The following PRKN variants were observed in gnomAD, a reference collection of about 807,000 sequenced individuals.
The protein encoded by PRKN is E3 ubiquitin-protein ligase parkin.
In PRKN, 56 loss-of-function variants were observed where a neutral mutation model predicts 59.5. The ratio of observed to expected loss-of-function variants is 0.94; its 90% CI spans 0.76 to 1.18. The LOEUF is 1.18. Ranked by LOEUF, PRKN falls within the 50% of genes most tolerant of loss-of-function variation. The pLI, the probability that PRKN is intolerant of heterozygous loss-of-function variation, is 0.00. For missense variants in PRKN, 657 were observed against 596.4 expected, an observed-to-expected ratio of 1.10 and a Z score of -1.06; for synonymous variants, 250 against 222.1, an observed-to-expected ratio of 1.13 and a Z score of -1.12.
rs1197184970 is a variant in PRKN, at chr6:161,593,808, G to A, written c.872-24392C>T. 1.3e-5 allele frequency among the ~76,000 whole-genome samples: 2 copies of A among 152,094 alleles called. No individual in the cohort carries two copies. The highest frequency in any genetic ancestry group is 2.4e-5 in the African/African-American group (1 of 41,420). ...GGTGAGTGTTTGGAGAGTAGAGAGT[G>A]ACACACCAAGTCATGATGCTCAGGG... On this transcript the variant is annotated intron_variant, in intron 7 of 11. Coordinates refer to ENST00000366898, the MANE Select transcript of PRKN (RefSeq NM_004562.3). The surrounding 1 kb of genome is among the most constrained non-coding windows in gnomAD (Gnocchi z 4.8).
chr6:162,101,824 T>A (rs1779983343), intron 4 of PRKN, among the ~76,000 whole-genome samples: 1 of 152,216 alleles, frequency 6.6e-6, no homozygotes, highest in Non-Finnish European at 1.5e-5. Context: ...ACATAACTAC[T>A]TTTGGGAGTA....
chr6:161,450,834 C>T (rs898326744), intron 9 of PRKN, among the ~76,000 whole-genome samples: 2 of 152,154 alleles, frequency 1.3e-5, no homozygotes, highest in Non-Finnish European at 2.9e-5. Flanking sequence ...GGATTACAGG[C>T]GTGAGCCACC....
chr6:161,970,184 G>A (rs888366449), intron 6 of PRKN, among the ~76,000 whole-genome samples: 18 of 152,102 alleles, frequency 1.2e-4, no homozygotes, highest in African/African-American at 4.1e-4. Flanking sequence ...TGGGACTACA[G>A]GTGCATGCCA....
At chr6:161,653,414 T>A (rs1252739524) in intron 7 of PRKN, among the ~76,000 whole-genome samples, 1 of 152,128 alleles carries the variant, frequency 6.6e-6, no homozygotes, top group African/African-American at 2.4e-5. Flanking sequence ...CAGTGCTGCA[T>A]GAAGAAGTAC....
chr6:161,966,629 G>A (rs1025899482), intron 6 of PRKN, among the ~76,000 whole-genome samples: 6 of 152,132 alleles, frequency 3.9e-5, no homozygotes, highest in Non-Finnish European at 7.4e-5. Flanking sequence ...TTTTTGTTCA[G>A]CTTGTTATGC....
At chr6:162,457,043 C>G (rs990703816) in intron 1 of PRKN, among the ~76,000 whole-genome samples, 1 of 152,152 alleles carries the variant, frequency 6.6e-6, no homozygotes. Flanking sequence ...AACAAGAAAG[C>G]AGAACACTCA....
chr6:161,880,384 C>A (rs910665960), intron 6 of PRKN, among the ~76,000 whole-genome samples: 7 of 152,252 alleles, frequency 4.6e-5, no homozygotes, highest in African/African-American at 1.7e-4. Flanking sequence ...CTCTATGGCA[C>A]TGAGAGATAT....
intron 3 of PRKN, among the ~76,000 whole-genome samples, chr6:162,222,893 C>T (rs1199677946): frequency 2.0e-5 from 3 of 151,644 alleles, no homozygotes; most frequent in Non-Finnish European, 4.4e-5. Context: ...GGTACATGTG[C>T]ACAATGTGCA....
At chr6:162,044,036 T>C (rs1038581479) in intron 5 of PRKN, among the ~76,000 whole-genome samples, 1 of 152,222 alleles carries the variant, frequency 6.6e-6, no homozygotes, top group East Asian at 1.9e-4. Flanking sequence ...TTCTGAGTTT[T>C]AGGGAAGACA....
chr6:162,447,617 G>C (rs988562524), intron 1 of PRKN, among the ~76,000 whole-genome samples: 1 of 152,146 alleles, frequency 6.6e-6, no homozygotes, highest in Admixed American at 6.5e-5. Context: ...GGTGGGAAGA[G>C]GGGAAAGGGT....
rs1455903560 is a variant in PRKN at position 162,650,036 on chromosome 6, ACG to A, written c.7+77624_7+77625del. ...AGGCTATAATTTAGAGCACGGACATACGTGACTCTCAAGCGGCCATTTATCAC... is the reference window on the plus strand; with the variant it reads ...AGGCTATAATTTAGAGCACGGACATATGACTCTCAAGCGGCCATTTATCAC... On this transcript the variant is annotated intron_variant, in intron 1 of 11. Transcript: ENST00000366898. 2.0e-5 allele frequency among the ~76,000 whole-genome samples: 3 copies of A among 152,222 alleles called. No homozygotes were observed. In the East Asian group the frequency reaches 5.8e-4, roughly 29 times the overall value.
intron 1 of PRKN, among the ~76,000 whole-genome samples, chr6:162,524,945 T>C (rs1778221142): frequency 6.6e-6 from 1 of 152,178 alleles, no homozygotes; most frequent in Non-Finnish European, 1.5e-5. Context: ...CCATGTGAAA[T>C]ATCACTGATT....
chr6:161,784,890 T>C (rs1446963220), intron 7 of PRKN, among the ~76,000 whole-genome samples: 2 of 152,078 alleles, frequency 1.3e-5, no homozygotes, highest in Non-Finnish European at 2.9e-5. Flanking sequence ...GACACACAAA[T>C]TGTGGGGTAT....
chr6:161,411,709 A>G (rs1426873509), intron 9 of PRKN, among the ~76,000 whole-genome samples: 1 of 149,384 alleles, frequency 6.7e-6, no homozygotes, highest in Non-Finnish European at 1.5e-5. Flanking sequence ...TTCCTTCCTC[A>G]CTCATTCCTT....
At chr6:162,575,874 T>G (rs1371752176) in intron 1 of PRKN, among the ~76,000 whole-genome samples, 3 of 152,182 alleles carry the variant, frequency 2.0e-5, no homozygotes, top group Admixed American at 1.3e-4. Context: ...GAGGTTTTGC[T>G]TGGATCTCTT....
rs78283773 is a variant in PRKN, at chr6:161,414,263, C to G, written c.1084-27386G>C. On this transcript the variant is annotated intron_variant, in intron 9 of 11. Coordinates refer to ENST00000366898, the MANE Select transcript of PRKN (RefSeq NM_004562.3). This position sits in a 1 kb window ranked among gnomAD's most constrained non-coding sequence, Gnocchi z 5.3. ...GATGTCAGAGCCGTGCACCCTTCTC[C>G]GGAAGGCTGGAGGGTGTTCAGCGTT... Among the ~76,000 whole-genome samples the G allele has an allele frequency of 6.6e-6, 1 of 152,202 alleles. No individual in the cohort carries two copies. Among genetic ancestry groups the G allele is most frequent in the East Asian group, 1.9e-4 (1 of 5,144 alleles).
rs1433838560 is a variant in PRKN at position 161,549,782 on chromosome 6, T to C, written c.934-779A>G. Among the ~76,000 whole-genome samples, 1 of 152,224 alleles carries C rather than the reference T, an allele frequency of 6.6e-6. No individual in the cohort carries two copies. Among genetic ancestry groups the C allele is most frequent in the Non-Finnish European group, 1.5e-5 (1 of 68,048 alleles). On this transcript the variant is annotated intron_variant, in intron 8 of 11. Transcript: ENST00000366898. This position sits in a 1 kb window ranked among gnomAD's most constrained non-coding sequence, Gnocchi z 6.0. ...CAAGTCAAATAGGTTTGCTCAATTA[T>C]TAATTAAATAATGCAACATTTATTG...
At chr6:161,680,163 T>G (rs1336078182) in intron 7 of PRKN, among the ~76,000 whole-genome samples, 1 of 152,188 alleles carries the variant, frequency 6.6e-6, no homozygotes, top group Non-Finnish European at 1.5e-5. Flanking sequence ...GATCAAGAGA[T>G]GGAAATGCAC....
chr6:162,319,234 TA>T (rs1232971514), intron 2 of PRKN, among the ~76,000 whole-genome samples: 3 of 151,590 alleles, frequency 2.0e-5, no homozygotes, highest in African/African-American at 7.2e-5. Flanking sequence ...AGGGAGCTTT[TA>T]AAATAATATA....
Sources: gnomAD v4.1 joint callset for allele counts (sites outside exome capture counted in the v4.1 genomes callset) on GRCh38, gnomAD v4.1.1 for gene constraint, Gnocchi (gnomAD v3.1) non-coding constraint, MANE v1.5 for transcripts, NCBI Gene and HGNC (gene_info 2026-07-23, HGNC 2026-07-21) for gene names.